The following PCDHGA8 variants were observed in gnomAD, a reference collection of about 807,000 sequenced individuals.
PCDHGA8 encodes protocadherin gamma subfamily A, 8, also known as protocadherin gamma-A8.
A neutral mutation model predicts 59.2 loss-of-function variants in PCDHGA8; 45 were observed. The observed-to-expected ratio is 0.76, with a 90% CI of 0.60 to 0.98. The LOEUF is 0.98. Among genes scored for constraint, PCDHGA8 ranks in the 50% least tolerant of loss-of-function variants. PCDHGA8 has a pLI of 0.00. For synonymous variants in PCDHGA8, 531 were observed against 519.0 expected (o/e 1.02, Z -0.32); for missense variants, 1,257 against 1,196.2 (o/e 1.05, Z -0.75).
rs775247725 is a variant in PCDHGA8, at chr5:141,393,523, A to T, written c.710A>T (p.Asp237Val). The T allele has an allele frequency of 2.0e-5, 33 of 1,613,900 alleles. No individual in the cohort carries two copies. Among genetic ancestry groups the T allele is most frequent in the Middle Eastern group, 1.6e-4 (1 of 6,084 alleles). ...CACGTGACAGTGTTGGATACAAATG[A>T]CAATGCCCCGGTTTTTCCTCACCCG... is the stretch of plus-strand genomic sequence containing the variant. ...RIHVTVLDTN[D>V]NAPVFPHPIY... The change falls in exon 1 of 4, where the codon GAC becomes GTC. Residue 237 changes from aspartate (D) to valine (V), a missense_variant. Asp to Val is a radical substitution (Grantham distance 152). Transcript: ENST00000398604.
intron 1 of PCDHGA8, among the ~76,000 whole-genome samples, chr5:141,458,982 C>G (rs2098958289): frequency 6.6e-6 from 1 of 152,164 alleles, no homozygotes; most frequent in Admixed American, 6.5e-5. Flanking sequence ...GTCCTCCTGC[C>G]TCACCCTCCC....
chr5:141,394,189 C>G lies in PCDHGA8; in HGVS notation c.1376C>G (p.Ala459Gly), dbSNP rs543330174. The stretch of plus-strand genomic sequence containing the variant: ...ACTTTCCCTCATGCCTCCTACTCAG[C>G]GTATATCCTAGAGAACAACCTGAGA... ...PPTFPHASYS[A>G]YILENNLRGA... The change falls in exon 1 of 4, where the codon GCG becomes GGG. Residue 459 changes from alanine (A) to glycine (G), a missense_variant. Physicochemically the swap from Ala to Gly is moderately conservative, Grantham distance 60 (BLOSUM62 0). Coordinates refer to ENST00000398604, the MANE Select transcript of PCDHGA8 (RefSeq NM_032088.2). 4 of 1,613,892 alleles carry G rather than the reference C, an allele frequency of 2.5e-6. No homozygotes were observed. The East Asian group carries it at 6.7e-5, about 27-fold the overall frequency.
rs1358954122 is a variant in PCDHGA8, at chr5:141,491,553, C to T, written c.2425-3254C>T. On this transcript the variant is annotated intron_variant, in intron 1 of 3. Coordinates refer to ENST00000398604, the MANE Select transcript of PCDHGA8 (RefSeq NM_032088.2). This position sits in a 1 kb window ranked among gnomAD's most constrained non-coding sequence, Gnocchi z 6.9. ...CGCTGCGGCCCACAGACTCGCAGAG[C>T]CACTGCTACAGGACGTGCTTTTCAC... The T allele has an allele frequency of 6.2e-7, 1 of 1,613,954 alleles. No homozygotes were observed.
chr5:141,432,416 C>T lies in PCDHGA8; in HGVS notation c.2424+37179C>T. 4 of 1,614,258 alleles carry T rather than the reference C, an allele frequency of 2.5e-6. No individual in the cohort carries two copies. Among genetic ancestry groups the T allele is most frequent in the Non-Finnish European group, 3.4e-6 (4 of 1,180,048 alleles). ...CAACGTGTCGTTGAGCCTGTTCGTG[C>T]TGGACCAGAACGACAATGCGCCCGA... On this transcript the variant is annotated intron_variant, in intron 1 of 3. Coordinates refer to ENST00000398604, the MANE Select transcript of PCDHGA8 (RefSeq NM_032088.2). The surrounding 1 kb of genome is among the most constrained non-coding windows in gnomAD (Gnocchi z 6.0).
intron 1 of PCDHGA8, chr5:141,422,844 G>A: frequency 6.2e-7 from 1 of 1,614,238 alleles, no homozygotes; most frequent in Non-Finnish European, 8.5e-7. Context: ...GTGACAGCGG[G>A]GACCCGCCCC....
In PCDHGA8 at chr5:141,485,433, A is replaced by G. The variant is rs2099613324; in HGVS notation, c.2425-9374A>G. On this transcript the variant is annotated intron_variant, in intron 1 of 3. Transcript: ENST00000398604. The surrounding 1 kb of genome is among the most constrained non-coding windows in gnomAD (Gnocchi z 5.7). The stretch of plus-strand genomic sequence containing the variant: ...TTGGACAGCGGAGCCCTGCTCATCA[A>G]GAACCCAATCGACCGAGAGGCACTG... 6 of 1,614,208 alleles carry G rather than the reference A, an allele frequency of 3.7e-6. No homozygotes were observed. Among genetic ancestry groups the G allele is most frequent in the Non-Finnish European group, 5.1e-6 (6 of 1,180,030 alleles).
chr5:141,505,633 A>C, intron 3 of PCDHGA8, 152 bp downstream of exon 3: 3 of 1,471,286 alleles, frequency 2.0e-6, no homozygotes, highest in South Asian at 1.3e-5. Context: ...TCCAAACATA[A>C]AGCCTGGAAT....
intron 1 of PCDHGA8, among the ~76,000 whole-genome samples, chr5:141,471,778 A>T (rs2099264151): frequency 6.6e-6 from 1 of 152,244 alleles, no homozygotes; most frequent in Non-Finnish European, 1.5e-5. Flanking sequence ...TGAGTTTGAC[A>T]TTATGCTATG....
intron 1 of PCDHGA8, among the ~76,000 whole-genome samples, chr5:141,472,561 T>C (rs1000220187): frequency 2.6e-5 from 4 of 151,632 alleles, no homozygotes; most frequent in African/African-American, 9.7e-5. Flanking sequence ...AATTATATTA[T>C]AAATGCTGCA....
rs201391904 is a variant in PCDHGA8, at chr5:141,494,843, G to A, written c.2461G>A (p.Ala821Thr). Residue 821 changes from alanine to threonine, a missense_variant, in exon 2 of 4, where the codon GCC becomes ACC. Transcript: ENST00000398604. ...PPNTDWRFSQ[A>T]QRPGTSGSQN... is the part of the protein sequence containing the mutation. ...CAACACGGACTGGCGTTTCTCTCAG[G>A]CCCAGAGACCCGGCACCAGCGGGTA... 1.9e-6 allele frequency: 3 copies of A among 1,614,088 alleles called. No homozygotes were observed. Among genetic ancestry groups the A allele is most frequent in the Admixed American group, 3.3e-5 (2 of 60,008 alleles).
In PCDHGA8 at chr5:141,486,853, C is replaced by T. The variant is rs1401626024; in HGVS notation, c.2425-7954C>T. The stretch of plus-strand genomic sequence containing the variant: ...GTCTATTTGTGCTGGACCTCAATGA[C>T]AATGCTCCAGCTGTGCTCCGTCCTC... On this transcript the variant is annotated intron_variant, in intron 1 of 3. Coordinates refer to ENST00000398604, the MANE Select transcript of PCDHGA8 (RefSeq NM_032088.2). This position sits in a 1 kb window ranked among gnomAD's most constrained non-coding sequence, Gnocchi z 5.0. 6.2e-7 allele frequency: 1 copy of T among 1,614,244 alleles called. No individual in the cohort carries two copies. The highest frequency in any genetic ancestry group is 2.2e-5 in the East Asian group (1 of 44,886).
chr5:141,419,117 G>T (rs1362880648), intron 1 of PCDHGA8: 1 of 1,613,718 alleles, frequency 6.2e-7, no homozygotes, highest in African/African-American at 1.3e-5. Context: ...AGAGTACAAC[G>T]TCACCATCGC....
chr5:141,490,998 C>T lies in PCDHGA8; in HGVS notation c.2425-3809C>T, dbSNP rs1284919124. 5 of 1,614,014 alleles carry T rather than the reference C, an allele frequency of 3.1e-6. No homozygotes were observed. The highest frequency in any genetic ancestry group is 1.7e-5 in the Admixed American group (1 of 60,016). On this transcript the variant is annotated intron_variant, in intron 1 of 3. Coordinates refer to ENST00000398604, the MANE Select transcript of PCDHGA8 (RefSeq NM_032088.2). The surrounding 1 kb of genome is among the most constrained non-coding windows in gnomAD (Gnocchi z 5.4). Reference sequence around the variant, plus strand: ...GTCTCCCTCGCTCTGCTCCTCCTGGCTCCTTGGTCACCAAGGTGACAGCCG... The same window carrying T: ...GTCTCCCTCGCTCTGCTCCTCCTGGTTCCTTGGTCACCAAGGTGACAGCCG...
At chr5:141,405,757 C>T (rs754575292) in intron 1 of PCDHGA8, among the ~76,000 whole-genome samples, 13 of 152,264 alleles carry the variant, frequency 8.5e-5, no homozygotes, top group East Asian at 3.9e-4. Context: ...GGATTACAGG[C>T]GTGAGCCACT....
rs761227475 is a variant in PCDHGA8 at position 141,489,382 on chromosome 5, G to A, written c.2425-5425G>A. 4 of 1,613,872 alleles carry A rather than the reference G, an allele frequency of 2.5e-6. No homozygotes were observed. The highest frequency in any genetic ancestry group is 1.7e-5 in the Admixed American group (1 of 60,006). On this transcript the variant is annotated intron_variant, in intron 1 of 3. Coordinates refer to ENST00000398604, the MANE Select transcript of PCDHGA8 (RefSeq NM_032088.2). The surrounding 1 kb of genome is among the most constrained non-coding windows in gnomAD (Gnocchi z 4.5). ...TGAGCCGGGGACGCTGGTGGGGAATGTTGCTCAGGATCTGGGCTTAAAGAT... is the reference window on the plus strand; with the variant it reads ...TGAGCCGGGGACGCTGGTGGGGAATATTGCTCAGGATCTGGGCTTAAAGAT...
chr5:141,392,750 G>C lies in PCDHGA8; in HGVS notation c.-64G>C. 6.9e-7 allele frequency: 1 copy of C among 1,451,824 alleles called. No individual in the cohort carries two copies. Among genetic ancestry groups the C allele is most frequent in the Non-Finnish European group, 9.1e-7 (1 of 1,101,200 alleles). The allele number at this position is 1,451,824 out of a possible 1,614,324, so 89.9% of individuals were successfully genotyped here. A position where few individuals can be genotyped will look rare whatever the true frequency, so the allele number is the denominator to read the frequency against. On this transcript the variant is annotated 5_prime_UTR_variant, in exon 1 of 4. Transcript: ENST00000398604. The stretch of plus-strand genomic sequence containing the variant: ...ATTGTCATCTCCATAGCTGCGGCAA[G>C]AAACTAAATAAGACCCATTTATGCA...
intron 1 of PCDHGA8, chr5:141,415,531 C>G (rs777787905): frequency 1.2e-6 from 2 of 1,614,030 alleles, no homozygotes; most frequent in Non-Finnish European, 1.7e-6. Context: ...GCTCATCAGC[C>G]AGGAGAGCTG....
rs1427934561 is a variant in PCDHGA8, at chr5:141,511,140, CAAG to C, written c.2773_2775del (p.Lys925del). The stretch of plus-strand genomic sequence containing the variant: ...AGGCCCCAGCAGGTGGCAATGGCAA[CAAG>C]AAGAAGTCGGGCAAGAAGGAGAAGA... On this transcript the variant is annotated inframe_deletion, in exon 4 of 4. Coordinates refer to ENST00000398604, the MANE Select transcript of PCDHGA8 (RefSeq NM_032088.2). 9 of 1,614,186 alleles carry C rather than the reference CAAG, an allele frequency of 5.6e-6. No individual in the cohort carries two copies. The East Asian group carries it at 6.7e-5, about 12-fold the overall frequency.
chr5:141,432,863 T>C lies in PCDHGA8; in HGVS notation c.2424+37626T>C, dbSNP rs762979829. On this transcript the variant is annotated intron_variant, in intron 1 of 3. Coordinates refer to ENST00000398604, the MANE Select transcript of PCDHGA8 (RefSeq NM_032088.2). This position sits in a 1 kb window ranked among gnomAD's most constrained non-coding sequence, Gnocchi z 6.0. ...GGTGGTAGCGGTGGCCGCGGTCTCCTGCGTCTTCCTGGCCTTCGTCATCTT... is the reference window on the plus strand; with the variant it reads ...GGTGGTAGCGGTGGCCGCGGTCTCCCGCGTCTTCCTGGCCTTCGTCATCTT... 20 of 1,614,192 alleles carry C rather than the reference T, an allele frequency of 1.2e-5. No individual in the cohort carries two copies. Among genetic ancestry groups the C allele is most frequent in the Admixed American group, 6.7e-5 (4 of 60,032 alleles).
Sources: gnomAD v4.1 joint callset for allele counts (sites outside exome capture counted in the v4.1 genomes callset) on GRCh38, gnomAD v4.1.1 for gene constraint, Gnocchi (gnomAD v3.1) non-coding constraint, MANE v1.5 for transcripts, NCBI Gene and HGNC (gene_info 2026-07-23, HGNC 2026-07-21) for gene names.